The following ATP7A variants were observed in gnomAD, a reference collection of about 807,000 sequenced individuals.
ATP7A encodes copper-transporting ATPase 1.
In ATP7A, 7 loss-of-function variants were observed where a neutral mutation model predicts 83.5. The ratio of observed to expected loss-of-function variants is 0.08; its 90% CI spans 0.05 to 0.16. The LOEUF (loss-of-function observed/expected upper bound fraction) is 0.16. Ranked by LOEUF, ATP7A falls within the 10% of genes least tolerant of loss-of-function variation. The pLI, the probability that ATP7A is intolerant of heterozygous loss-of-function variation, is 1.00. For missense variants in ATP7A, 940 were observed against 1,120.8 expected (o/e 0.84, Z 2.30); for synonymous variants, 354 against 395.2 (o/e 0.90, Z 1.24).
intron 14 of ATP7A, 126 bp from the exon 15 acceptor site, chrX:78,029,124 T>C: frequency 1.5e-6 from 1 of 689,109 alleles, no homozygotes; most frequent in Non-Finnish European, 2.3e-6. Context: ...AAAAAATATA[T>C]GTAGGTAGCT....
intron 1 of ATP7A, among the ~76,000 whole-genome samples, chrX:77,937,451 C>A (rs2077325948): frequency 8.9e-6 from 1 of 112,129 alleles, no homozygotes; most frequent in Non-Finnish European, 1.9e-5. Flanking sequence ...AATCCTACTT[C>A]TAGATATCTC....
At chrX:77,995,548 C>G (rs1399549871) in intron 4 of ATP7A, among the ~76,000 whole-genome samples, 2 of 64,232 alleles carry the variant, frequency 3.1e-5, no homozygotes, top group Non-Finnish European at 5.2e-5. Context: ...AGCTGGGTGA[C>G]AAGAGCGAGA....
intron 19 of ATP7A, among the ~76,000 whole-genome samples, chrX:78,042,270 A>G (rs1339251415): frequency 3.6e-5 from 4 of 111,659 alleles, no homozygotes; most frequent in Non-Finnish European, 7.5e-5. Context: ...GGCAATAATA[A>G]ACATCTTTGG....
intron 14 of ATP7A, among the ~76,000 whole-genome samples, chrX:78,021,974 T>C (rs782802538): frequency 6.3e-5 from 7 of 111,406 alleles, no homozygotes; most frequent in Admixed American, 3.8e-4. Flanking sequence ...CCCCTGGAAG[T>C]TCACCCCGTT....
chrX:77,982,564 AAAAC>A (rs1439639764), intron 2 of ATP7A, among the ~76,000 whole-genome samples: 2 of 112,739 alleles, frequency 1.8e-5, no homozygotes, highest in African/African-American at 6.4e-5. Flanking sequence ...GTGAGAGGAA[AAAAC>A]AAACAATTAA....
chrX:77,913,473 A>G (rs2077170980), intron 1 of ATP7A, among the ~76,000 whole-genome samples: 1 of 111,700 alleles, frequency 9.0e-6, no homozygotes, highest in Non-Finnish European at 1.9e-5. Context: ...AGTTCACTCT[A>G]CCATCCCAGC....
At chrX:77,984,870 T>C (rs1323313794) in intron 2 of ATP7A, among the ~76,000 whole-genome samples, 1 of 112,468 alleles carries the variant, frequency 8.9e-6, no homozygotes, top group Non-Finnish European at 1.9e-5. Context: ...TAGAATTTAC[T>C]AAAGGAAGTG....
intron 16 of ATP7A, among the ~76,000 whole-genome samples, chrX:78,032,442 A>G (rs1179784788): frequency 3.6e-5 from 4 of 111,994 alleles, no homozygotes; most frequent in Non-Finnish European, 3.8e-5. Flanking sequence ...ACCAATTTAT[A>G]CCTGCACCAA....
At position 77,989,382 on chromosome X, in the gene ATP7A, C is replaced by T. The variant is rs374855698; in HGVS notation, c.760C>T (p.Arg254Cys). 7 of 1,209,404 alleles carry T rather than the reference C, an allele frequency of 5.8e-6. No individual in the cohort carries two copies. The highest frequency in any genetic ancestry group is 7.8e-6 in the Non-Finnish European group (7 of 894,983). ...CAAATTGGGAGCTATTGATGTAGAACGTCTAAAGAACACACCAGTTAAATC... is the reference window on the plus strand; with the variant it reads ...CAAATTGGGAGCTATTGATGTAGAATGTCTAAAGAACACACCAGTTAAATC... ...YLKLGAIDVE[R>C]LKNTPVKSSE... The change falls in exon 4 of 23, where the codon CGT becomes TGT. Residue 254 changes from arginine to cysteine, a missense_variant. Around this residue, in one of 3 missense-constraint regions of ATP7A, gnomAD observed 350 missense variants for 432.8 expected, o/e 0.81. Transcript: ENST00000341514.
chrX:77,956,741 T>TTCTTTCTTTCTTTC (rs2077444354), intron 1 of ATP7A, among the ~76,000 whole-genome samples: 1 of 94,825 alleles, frequency 1.1e-5, no homozygotes, highest in African/African-American at 3.9e-5. Flanking sequence ...CTTTCTTTCT[T>TTCTTTCTTTCTTTC]TCTTTCTTTC....
At chrX:77,949,439 A>G in intron 1 of ATP7A, among the ~76,000 whole-genome samples, 1 of 112,240 alleles carries the variant, frequency 8.9e-6, no homozygotes, top group East Asian at 2.8e-4. Context: ...TTTGCTACTC[A>G]CCTTATTGAA....
chrX:77,948,779 A>G (rs2077398070), intron 1 of ATP7A, among the ~76,000 whole-genome samples: 1 of 112,158 alleles, frequency 8.9e-6, no homozygotes, highest in Non-Finnish European at 1.9e-5. Flanking sequence ...ACTCTCTACC[A>G]TGGTCGGTCA....
At chrX:77,933,515 C>T (rs191175784) in intron 1 of ATP7A, among the ~76,000 whole-genome samples, 1 of 111,746 alleles carries the variant, frequency 8.9e-6, no homozygotes, top group East Asian at 2.8e-4. Context: ...TGCTTAGGAC[C>T]GGAAGTGTTT....
rs1036896609 is a variant in ATP7A at position 77,954,852 on chromosome X, A to G, written c.-21-16769A>G. Reference sequence around the variant, plus strand: ...ATAAAATGGGTTATTTGGGCTTTTTATATATATGAATTTATCATTGGTCTT... The same window carrying G: ...ATAAAATGGGTTATTTGGGCTTTTTGTATATATGAATTTATCATTGGTCTT... On this transcript the variant is annotated intron_variant, in intron 1 of 22. Transcript: ENST00000341514. 8.1e-5 allele frequency among the ~76,000 whole-genome samples: 9 copies of G among 111,684 alleles called. No homozygotes were observed. The East Asian group carries it at 2.5e-3, about 31-fold the overall frequency.
chrX:77,999,466 A>G (rs1284272686), intron 5 of ATP7A, among the ~76,000 whole-genome samples: 4 of 112,360 alleles, frequency 3.6e-5, no homozygotes, highest in African/African-American at 9.7e-5. Context: ...ATTGTATACA[A>G]GTGTTAATTT....
At chrX:78,018,606 C>T (rs782350641) in intron 12 of ATP7A, among the ~76,000 whole-genome samples, 1 of 112,318 alleles carries the variant, frequency 8.9e-6, no homozygotes, top group African/African-American at 3.2e-5. Flanking sequence ...CCAAACTGTT[C>T]CAGCCTCTGC....
At chrX:77,972,100 G>A (rs898480429) in intron 2 of ATP7A, among the ~76,000 whole-genome samples, 17 of 111,365 alleles carry the variant, frequency 1.5e-4, no homozygotes, top group African/African-American at 4.9e-4. Context: ...GGATGGGTTA[G>A]GGTTTTCTTT....
chrX:77,948,618 A>G (rs782352155), intron 1 of ATP7A, among the ~76,000 whole-genome samples: 6 of 111,806 alleles, frequency 5.4e-5, no homozygotes, highest in Non-Finnish European at 7.5e-5. Context: ...ATATCCATTT[A>G]TAATAGGACA....
chrX:77,992,353 A>G (rs1358978099), intron 4 of ATP7A, among the ~76,000 whole-genome samples: 1 of 110,313 alleles, frequency 9.1e-6, no homozygotes, highest in Non-Finnish European at 1.9e-5. Context: ...GTGAGCCACC[A>G]TGCCTGGCCT....
Sources: gnomAD v4.1 joint callset for allele counts (sites outside exome capture counted in the v4.1 genomes callset) on GRCh38, gnomAD v4.1.1 for gene constraint, gnomAD v4.1.1 regional missense constraint, MANE v1.5 for transcripts, NCBI Gene and HGNC (gene_info 2026-07-23, HGNC 2026-07-21) for gene names.